Variants in MYO18B observed in about 807,000 individuals in gnomAD.
The protein encoded by MYO18B is unconventional myosin-XVIIIb.
In MYO18B, 204 loss-of-function variants were observed where a neutral mutation model predicts 273.0. The ratio of observed to expected loss-of-function variants is 0.75; its 90% confidence interval spans 0.67 to 0.84. MYO18B has a LOEUF of 0.84. Among genes scored for constraint, MYO18B ranks in the 40% least tolerant of loss-of-function variants. MYO18B has a pLI of 0.00. For missense variants in MYO18B, 3,212 were observed against 3,287.6 expected, an observed-to-expected ratio of 0.98 and a Z score of 0.56; for synonymous variants, 1,330 against 1,305.7, an observed-to-expected ratio of 1.02 and a Z score of -0.40.
chr22:25,981,985 G>A (rs2093153330), intron 39 of MYO18B, among the ~76,000 whole-genome samples: 2 of 152,176 alleles, frequency 1.3e-5, no homozygotes, highest in Non-Finnish European at 2.9e-5. Flanking sequence ...GGCTAAGGAG[G>A]CCTCAGGAAG....
chr22:25,981,029 C>A (rs7287781), intron 39 of MYO18B, among the ~76,000 whole-genome samples: 1,939 of 152,276 alleles, frequency 0.013, 35 homozygotes, highest in African/African-American at 0.045. Flanking sequence ...ATGTGACATT[C>A]TCCCTGTGTC....
intron 22 of MYO18B, among the ~76,000 whole-genome samples, chr22:25,873,554 C>T (rs2091106945): frequency 6.6e-6 from 1 of 152,230 alleles, no homozygotes; most frequent in South Asian, 2.1e-4. Flanking sequence ...GATTCTCCTG[C>T]CTCAGCCTCC....
intron 7 of MYO18B, among the ~76,000 whole-genome samples, chr22:25,773,795 C>T (rs1398693540): frequency 6.6e-6 from 1 of 152,210 alleles, no homozygotes; most frequent in Non-Finnish European, 1.5e-5. Flanking sequence ...ACTGGGCAGC[C>T]TCCTGAGCCA....
chr22:25,766,459 A>G (rs2086510868), intron 3 of MYO18B, among the ~76,000 whole-genome samples: 1 of 152,214 alleles, frequency 6.6e-6, no homozygotes, highest in Non-Finnish European at 1.5e-5. Context: ...CCAGAATGGA[A>G]CGCAGAAGGT....
chr22:26,004,230 C>G (rs1054088543), intron 41 of MYO18B, among the ~76,000 whole-genome samples: 4 of 151,162 alleles, frequency 2.6e-5, no homozygotes, highest in Non-Finnish European at 5.9e-5. Flanking sequence ...CCCTCTCTTT[C>G]TGTGCCGCTT....
intron 39 of MYO18B, chr22:25,983,182 A>G (rs2093166954): frequency 6.6e-6 from 1 of 152,192 alleles, no homozygotes; most frequent in Admixed American, 6.5e-5. Context: ...CAGCCAGGGC[A>G]ACATAGTGAG....
intron 31 of MYO18B, among the ~76,000 whole-genome samples, chr22:25,905,176 G>C (rs184203313): frequency 1.6e-4 from 24 of 152,274 alleles, no homozygotes; most frequent in Admixed American, 1.6e-3. Context: ...GACAGGGGAT[G>C]GGGGAACCAG....
chr22:26,021,389 C>T (rs751800287), intron 42 of MYO18B, among the ~76,000 whole-genome samples: 4 of 152,196 alleles, frequency 2.6e-5, no homozygotes, highest in African/African-American at 4.8e-5. Context: ...ATAACTTGAA[C>T]ATACATTTTA....
chr22:25,950,352 T>G lies in MYO18B; in HGVS notation c.5749-15T>G. ...TCAGGGTGATATATATACATTTTTT[T>G]TTTTGTCTCACCAGTCTGCTGCTGA... is the stretch of plus-strand genomic sequence containing the variant. On this transcript the variant is annotated splice_polypyrimidine_tract_variant and intron_variant, in intron 36 of 43. Coordinates refer to ENST00000335473, the MANE Select transcript of MYO18B (RefSeq NM_032608.7). 5 of 1,573,734 alleles carry G rather than the reference T, an allele frequency of 3.2e-6. No homozygotes were observed. Among genetic ancestry groups the G allele is most frequent in the Non-Finnish European group, 4.3e-6 (5 of 1,159,916 alleles).
intron 39 of MYO18B, among the ~76,000 whole-genome samples, chr22:25,967,068 A>C (rs972910349): frequency 1.3e-5 from 2 of 152,194 alleles, no homozygotes; most frequent in African/African-American, 2.4e-5. Flanking sequence ...GCTAATACCA[A>C]TTACAAATAA....
intron 21 of MYO18B, among the ~76,000 whole-genome samples, chr22:25,861,806 A>G (rs760372798): frequency 2.0e-5 from 3 of 152,158 alleles, no homozygotes; most frequent in Admixed American, 6.5e-5. Context: ...TACAATATGT[A>G]TTGTAATTCA....
At chr22:25,946,937 A>C (rs909388319) in intron 35 of MYO18B, among the ~76,000 whole-genome samples, 1 of 152,182 alleles carries the variant, frequency 6.6e-6, no homozygotes, top group Non-Finnish European at 1.5e-5. Flanking sequence ...TATTTTGGTG[A>C]GAATTGGATG....
chr22:25,970,838 C>T (rs1397270987), intron 39 of MYO18B, among the ~76,000 whole-genome samples: 2 of 152,096 alleles, frequency 1.3e-5, no homozygotes, highest in Non-Finnish European at 2.9e-5. Flanking sequence ...CAGGGGGAAT[C>T]CTTCAGGCTC....
At chr22:25,908,980 T>C (rs1417464995) in intron 32 of MYO18B, among the ~76,000 whole-genome samples, 1 of 152,236 alleles carries the variant, frequency 6.6e-6, no homozygotes, top group Non-Finnish European at 1.5e-5. Context: ...CTGAAGCCTG[T>C]TGTCTCTGCA....
intron 14 of MYO18B, among the ~76,000 whole-genome samples, chr22:25,827,852 C>A (rs1254593701): frequency 6.6e-6 from 1 of 152,170 alleles, no homozygotes; most frequent in East Asian, 1.9e-4. Flanking sequence ...TGTGAAATGC[C>A]GCATGGATGA....
intron 34 of MYO18B, among the ~76,000 whole-genome samples, chr22:25,926,898 G>T (rs1453268743): frequency 6.6e-6 from 1 of 152,180 alleles, no homozygotes; most frequent in African/African-American, 2.4e-5. Context: ...ACATTTATTA[G>T]TTCCCCAAAT....
chr22:25,963,325 G>A (rs1308956211), intron 39 of MYO18B, among the ~76,000 whole-genome samples: 1 of 151,770 alleles, frequency 6.6e-6, no homozygotes, highest in Non-Finnish European at 1.5e-5. Flanking sequence ...CACAGTTCTG[G>A]AGGCTAGATG....
intron 39 of MYO18B, among the ~76,000 whole-genome samples, chr22:25,979,383 G>T (rs1053181686): frequency 1.3e-5 from 2 of 152,174 alleles, no homozygotes; most frequent in African/African-American, 2.4e-5. Context: ...GGAAAATTGG[G>T]TGGCACAGAT....
At chr22:25,842,166 C>G (rs2145988486) in intron 17 of MYO18B, among the ~76,000 whole-genome samples, 1 of 152,358 alleles carries the variant, frequency 6.6e-6, no homozygotes, top group Admixed American at 6.5e-5. Flanking sequence ...AAGCCGCAGA[C>G]TCTCACACTG....
Sources: allele counts gnomAD v4.1 joint callset (sites outside exome capture counted in the v4.1 genomes callset), GRCh38; gene constraint gnomAD v4.1.1; transcripts MANE v1.5; gene names NCBI Gene and HGNC (gene_info 2026-07-23, HGNC 2026-07-21).